The following STRA6 variants were observed in gnomAD, a reference collection of about 807,000 sequenced individuals.
The protein encoded by STRA6 is signaling receptor and transporter of retinol STRA6, also known as receptor for retinol uptake STRA6.
STRA6 carries 48 observed loss-of-function variants against 83.6 expected under a neutral mutation model. The observed-to-expected ratio is 0.57, with a 90% CI of 0.46 to 0.73. The LOEUF is 0.73. Among genes scored for constraint, STRA6 ranks in the 30% least tolerant of loss-of-function variants. The pLI is 0.00. For synonymous variants in STRA6, 353 were observed against 362.3 expected, an observed-to-expected ratio of 0.97 and a Z score of 0.29; for missense variants, 760 against 838.8, an observed-to-expected ratio of 0.91 and a Z score of 1.16.
chr15:74,201,326 T>C (rs1313421161), intron 2 of STRA6, among the ~76,000 whole-genome samples: 1 of 152,138 alleles, frequency 6.6e-6, no homozygotes, highest in East Asian at 1.9e-4. Context: ...ACCTTTCTAC[T>C]TCTCCAAACC....
upstream of STRA6, chr15:74,209,593 C>T: frequency 3.0e-6 from 2 of 662,600 alleles, no homozygotes; most frequent in Non-Finnish European, 5.1e-6. Context: ...TCTTCTATTT[C>T]TCACTTCTCA....
rs2073098163 is a variant in STRA6, at chr15:74,183,608, G to A, written c.1300+248C>T. On this transcript the variant is annotated intron_variant, in intron 14 of 18. Coordinates refer to ENST00000395105, the MANE Select transcript of STRA6 (RefSeq NM_022369.4). ...GTCCACCCCCATGTGAATACTTGGT[G>A]GCACCCAGGGTTCATCTCCATGTGG... is the stretch of plus-strand genomic sequence containing the variant. The A allele has an allele frequency of 4.4e-6, 6 of 1,358,898 alleles. No homozygotes were observed. In the South Asian group the frequency reaches 7.5e-5, roughly 17 times the overall value. The allele number at this position is 1,358,898 out of a possible 1,614,324, so 84.2% of individuals were successfully genotyped here. A position where few individuals can be genotyped will look rare whatever the true frequency, so the allele number is the denominator to read the frequency against.
upstream of STRA6, chr15:74,203,096 C>T (rs759731164): frequency 5.4e-5 from 53 of 985,436 alleles, no homozygotes; most frequent in Non-Finnish European, 6.3e-5. Context: ...CAGCAACAAC[C>T]GAGTGAGACG....
chr15:74,194,919 A>C, intron 7 of STRA6: 1 of 1,423,890 alleles, frequency 7.0e-7, no homozygotes, highest in Non-Finnish European at 9.1e-7. Flanking sequence ...ACCATCCCTG[A>C]CTTCGCACTT....
At chr15:74,202,318 C>T in intron 1 of STRA6, 36 bp from the exon 2 acceptor site, 2 of 1,579,284 alleles carry the variant, frequency 1.3e-6, no homozygotes, top group Admixed American at 3.9e-5. Flanking sequence ...AAAGCCACTA[C>T]AGATGTGAAA....
intron 14 of STRA6, 89 bp from the exon 15 acceptor site, chr15:74,182,549 A>C: frequency 9.2e-7 from 1 of 1,090,634 alleles, no homozygotes; most frequent in South Asian, 1.4e-5. Context: ...GGGCTTTGGG[A>C]TTGGGCAGGC....
At chr15:74,202,452 A>G in intron 1 of STRA6, 170 bp from the exon 2 acceptor site, 1 of 1,536,212 alleles carries the variant, frequency 6.5e-7, no homozygotes, top group Non-Finnish European at 8.7e-7. Context: ...TCTGGGACTG[A>G]GGGCCTGAGC....
intron 14 of STRA6, 51 bp from the exon 15 acceptor site, chr15:74,182,511 T>A: frequency 6.7e-7 from 1 of 1,498,180 alleles, no homozygotes; most frequent in Admixed American, 1.9e-5. Context: ...CCATGAAAAC[T>A]GGCCATCCCC....
chr15:74,187,744 G>A (rs998462998), intron 12 of STRA6, among the ~76,000 whole-genome samples: 3 of 152,166 alleles, frequency 2.0e-5, no homozygotes, highest in African/African-American at 7.2e-5. Context: ...CTGTTGCTCT[G>A]TTTGGCCCAA....
chr15:74,187,747 T>G (rs565759306), intron 12 of STRA6, among the ~76,000 whole-genome samples: 4 of 152,190 alleles, frequency 2.6e-5, no homozygotes, highest in Non-Finnish European at 5.9e-5. Flanking sequence ...TTGCTCTGTT[T>G]GGCCCAAGAA....
At chr15:74,197,458 C>A (rs1296296277) in intron 3 of STRA6, 35 bp from the exon 4 acceptor site, 1 of 1,518,278 alleles carries the variant, frequency 6.6e-7, no homozygotes. Flanking sequence ...CTTGGGGTGC[C>A]CAGGCCTCCC....
intron 12 of STRA6, among the ~76,000 whole-genome samples, chr15:74,186,920 AATG>A (rs1386485461): frequency 6.6e-6 from 1 of 152,220 alleles, no homozygotes; most frequent in Non-Finnish European, 1.5e-5. Flanking sequence ...CAGGGCTAAA[AATG>A]ATGCTACAGA....
At position 74,196,154 on chromosome 15, in the gene STRA6, C is replaced by G; in HGVS notation, c.267-7G>C. 6.2e-7 allele frequency: 1 copy of G among 1,613,536 alleles called. No individual in the cohort carries two copies. ...AGCCAAGAAATCCACAGGGCTAGCACAGAGGCAAGGACAGGGCAGGAGGGA... is the reference window on the plus strand; with the variant it reads ...AGCCAAGAAATCCACAGGGCTAGCAGAGAGGCAAGGACAGGGCAGGAGGGA... On this transcript the variant is annotated splice_region_variant and splice_polypyrimidine_tract_variant and intron_variant, in intron 4 of 18. Transcript: ENST00000395105.
At position 74,197,628 on chromosome 15, in the gene STRA6, C is replaced by T. The variant is rs559713899; in HGVS notation, c.180+124G>A. The T allele has an allele frequency of 2.1e-5, 29 of 1,363,756 alleles. 1 individual carries two copies. In the South Asian group the frequency reaches 3.1e-4, roughly 15 times the overall value. The allele number at this position is 1,363,756 out of a possible 1,614,324, so 84.5% of individuals were successfully genotyped here. A position where few individuals can be genotyped will look rare whatever the true frequency, so the allele number is the denominator to read the frequency against. The stretch of plus-strand genomic sequence containing the variant: ...TGGGCCTCCAAGCTGGGAGAACTCC[C>T]AGATAGCTCCCCCCACCCAGGATCT... On this transcript the variant is annotated intron_variant, in intron 3 of 18. Coordinates refer to ENST00000395105, the MANE Select transcript of STRA6 (RefSeq NM_022369.4).
intron 14 of STRA6, chr15:74,183,524 G>A (rs1303689576): frequency 3.3e-6 from 4 of 1,195,964 alleles, no homozygotes; most frequent in Admixed American, 7.3e-5. Flanking sequence ...GATTACAGGT[G>A]TGAGCCACTG....
chr15:74,209,574 G>A (rs756564766), upstream of STRA6: 60 of 763,768 alleles, frequency 7.9e-5, no homozygotes, highest in Non-Finnish European at 1.0e-4. Context: ...AGGCCCCCTC[G>A]GAGCTTTCTC....
At chr15:74,207,641 G>A, upstream of STRA6, 2 of 1,478,570 alleles carry the variant, frequency 1.4e-6, no homozygotes, top group Non-Finnish European at 9.1e-7. Flanking sequence ...CGATAGCACG[G>A]AAGAGAACAC....
chr15:74,192,432 G>A (rs775000795), intron 8 of STRA6, among the ~76,000 whole-genome samples: 5 of 152,176 alleles, frequency 3.3e-5, no homozygotes, highest in Admixed American at 3.3e-4. Flanking sequence ...TCTGGAGTCC[G>A]TGGGCCTTCT....
At chr15:74,191,362 C>T in intron 9 of STRA6, 62 bp downstream of exon 9, 1 of 1,608,690 alleles carries the variant, frequency 6.2e-7, no homozygotes, top group Non-Finnish European at 8.5e-7. Flanking sequence ...TGCCAGCTTC[C>T]CAAGCACGGC....
Sources: allele counts gnomAD v4.1 joint callset (sites outside exome capture counted in the v4.1 genomes callset), GRCh38; gene constraint gnomAD v4.1.1; transcripts MANE v1.5; gene names NCBI Gene and HGNC (gene_info 2026-07-23, HGNC 2026-07-21).